TMEM108: variants seen among roughly 807,000 people sequenced by gnomAD.
TMEM108 encodes the protein transmembrane protein 108.
TMEM108 carries 12 observed loss-of-function variants against 35.1 expected under a neutral mutation model. That is an observed-to-expected ratio of 0.34 (90% CI 0.22 to 0.55). The LOEUF (loss-of-function observed/expected upper bound fraction) is 0.55, where lower values mean the gene tolerates loss of function less well. TMEM108 is among the 20% of genes least tolerant of loss of function. The pLI is 0.89. For synonymous variants in TMEM108, 287 were observed against 308.6 expected, an observed-to-expected ratio of 0.93 and a Z score of 0.73; for missense variants, 680 against 753.3, an observed-to-expected ratio of 0.90 and a Z score of 1.14.
intron 2 of TMEM108, among the ~76,000 whole-genome samples, chr3:133,093,785 T>C (rs1197595045): frequency 6.6e-6 from 1 of 152,218 alleles, no homozygotes; most frequent in African/African-American, 2.4e-5. Context: ...GATATTTCAT[T>C]TTTACTGTTA....
intron 2 of TMEM108, among the ~76,000 whole-genome samples, chr3:133,069,136 A>G (rs974931028): frequency 6.6e-6 from 1 of 152,188 alleles, no homozygotes; most frequent in Non-Finnish European, 1.5e-5. Context: ...AGAATAGTGA[A>G]CTAACACACT....
At chr3:133,053,012 G>A (rs1943425569) in intron 2 of TMEM108, among the ~76,000 whole-genome samples, 1 of 152,124 alleles carries the variant, frequency 6.6e-6, no homozygotes, top group African/African-American at 2.4e-5. Flanking sequence ...CAGGTGCTCT[G>A]AGTGTCTGGT....
intron 1 of TMEM108, among the ~76,000 whole-genome samples, chr3:133,042,030 C>A (rs1437907216): frequency 1.3e-5 from 2 of 152,082 alleles, no homozygotes; most frequent in Admixed American, 1.3e-4. Flanking sequence ...TAATGTGGAC[C>A]TTTCAATATT....
At chr3:133,132,261 T>C (rs1273782530) in intron 2 of TMEM108, among the ~76,000 whole-genome samples, 1 of 152,198 alleles carries the variant, frequency 6.6e-6, no homozygotes, top group Non-Finnish European at 1.5e-5. Context: ...TCTAGGACTT[T>C]CATAGCTAGA....
intron 3 of TMEM108, among the ~76,000 whole-genome samples, chr3:133,265,535 C>G (rs752246874): frequency 1.3e-5 from 2 of 152,130 alleles, no homozygotes; most frequent in Non-Finnish European, 2.9e-5. Flanking sequence ...CCAATGTGCT[C>G]ACATTTAATC....
At chr3:133,057,508 T>C (rs1018927043) in intron 2 of TMEM108, among the ~76,000 whole-genome samples, 1 of 147,674 alleles carries the variant, frequency 6.8e-6, no homozygotes, top group African/African-American at 2.5e-5. Context: ...TGGAATTAAC[T>C]TTGTCTCTTT....
intron 2 of TMEM108, among the ~76,000 whole-genome samples, chr3:133,154,278 A>G (rs941571814): frequency 2.0e-5 from 3 of 151,982 alleles, no homozygotes; most frequent in Admixed American, 2.0e-4. Flanking sequence ...TGCTGTGCAG[A>G]AGCTCTTTAG....
At chr3:133,269,438 C>T (rs1049119238) in intron 3 of TMEM108, among the ~76,000 whole-genome samples, 1 of 152,112 alleles carries the variant, frequency 6.6e-6, no homozygotes, top group Non-Finnish European at 1.5e-5. Flanking sequence ...AGGCATGAAC[C>T]GTTGTCCCTA....
At chr3:133,103,404 A>C (rs1448038360) in intron 2 of TMEM108, among the ~76,000 whole-genome samples, 1 of 152,156 alleles carries the variant, frequency 6.6e-6, no homozygotes, top group Non-Finnish European at 1.5e-5. Flanking sequence ...GGACACATAG[A>C]GGGAAACAGC....
intron 3 of TMEM108, among the ~76,000 whole-genome samples, chr3:133,321,383 A>G (rs888379226): frequency 1.3e-5 from 2 of 152,200 alleles, no homozygotes; most frequent in Non-Finnish European, 2.9e-5. Context: ...TATCAGACAA[A>G]ACAAACTTTG....
chr3:133,183,823 C>T (rs534243376), intron 2 of TMEM108, among the ~76,000 whole-genome samples: 1 of 152,162 alleles, frequency 6.6e-6, no homozygotes, highest in African/African-American at 2.4e-5. Flanking sequence ...ATGTTAGGGC[C>T]GAATGGTGCT....
At chr3:133,048,451 A>C (rs1260483864) in intron 2 of TMEM108, among the ~76,000 whole-genome samples, 1 of 152,212 alleles carries the variant, frequency 6.6e-6, no homozygotes, top group Admixed American at 6.5e-5. Flanking sequence ...TTCTTTTGAC[A>C]GTTTTCTAGT....
intron 3 of TMEM108, among the ~76,000 whole-genome samples, chr3:133,308,674 C>A (rs186381147): frequency 6.6e-6 from 1 of 152,146 alleles, no homozygotes; most frequent in Non-Finnish European, 1.5e-5. Flanking sequence ...TATTGATTTG[C>A]GTATGTTGAA....
At chr3:133,229,476 C>T in intron 3 of TMEM108, 125 bp downstream of exon 3, 1 of 741,798 alleles carries the variant, frequency 1.3e-6, no homozygotes, top group Non-Finnish European at 2.2e-6. Flanking sequence ...TAAAGTTTCA[C>T]TCTGCTTCAT....
rs149668817 is a variant in TMEM108, at chr3:133,294,846, A to T, written c.40+65495A>T. On this transcript the variant is annotated intron_variant, in intron 3 of 5. Transcript: ENST00000321871. ...CATCCATATGTCCTATTTCCTGAAG[A>T]ATTTTTAATAAAGAAATTAATGTAT... Among the ~76,000 whole-genome samples, 102 of 152,336 alleles carry T rather than the reference A, an allele frequency of 6.7e-4. 1 individual carries two copies. Among genetic ancestry groups the T allele is most frequent in the African/African-American group, 2.4e-3 (101 of 41,582 alleles).
intron 2 of TMEM108, among the ~76,000 whole-genome samples, chr3:133,053,037 T>C (rs959546210): frequency 2.0e-5 from 3 of 152,162 alleles, no homozygotes; most frequent in African/African-American, 7.2e-5. Flanking sequence ...TAATTTCTAA[T>C]ATCACCTAAT....
chr3:133,167,738 C>T (rs1945065177), intron 2 of TMEM108, among the ~76,000 whole-genome samples: 1 of 152,194 alleles, frequency 6.6e-6, no homozygotes, highest in Non-Finnish European at 1.5e-5. Flanking sequence ...GGCCCGTGAG[C>T]ACCGCATGCA....
chr3:133,144,510 G>A lies in TMEM108; in HGVS notation c.-46-84756G>A, dbSNP rs1371809490. ...TCCAGTAATGGGATTACTGGGTCAA[G>A]TGGTATTTCTAGTTCTAGATCCTTG... On this transcript the variant is annotated intron_variant, in intron 2 of 5. Transcript: ENST00000321871. 7.9e-5 allele frequency among the ~76,000 whole-genome samples: 12 copies of A among 152,146 alleles called. No individual in the cohort carries two copies. The East Asian group carries it at 2.1e-3, about 27-fold the overall frequency.
At chr3:133,257,418 T>A (rs1240998100) in intron 3 of TMEM108, among the ~76,000 whole-genome samples, 1 of 152,204 alleles carries the variant, frequency 6.6e-6, no homozygotes, top group Non-Finnish European at 1.5e-5. Context: ...TTATTAATAA[T>A]CCTTAGAAAA....
Sources: gnomAD v4.1 joint callset for allele counts (sites outside exome capture counted in the v4.1 genomes callset) on GRCh38, gnomAD v4.1.1 for gene constraint, MANE v1.5 for transcripts, NCBI Gene and HGNC (gene_info 2026-07-23, HGNC 2026-07-21) for gene names.